The following VRK3 variants were observed in gnomAD, a reference collection of about 807,000 sequenced individuals.
VRK3 encodes the protein serine/threonine-protein kinase VRK3.
VRK3 carries 50 observed loss-of-function variants against 60.4 expected under a neutral mutation model. The observed-to-expected ratio is 0.83, with a 90% CI of 0.66 to 1.05. The LOEUF (loss-of-function observed/expected upper bound fraction) is 1.05, where lower values mean the gene tolerates loss of function less well. Ranked by LOEUF, VRK3 falls within the 50% of genes least tolerant of loss-of-function variation. The pLI, the probability that VRK3 is intolerant of heterozygous loss-of-function variation, is 0.00. For missense variants in VRK3, 549 were observed against 585.3 expected (o/e 0.94, Z 0.64); for synonymous variants, 246 against 227.8 (o/e 1.08, Z -0.72).
intron 10 of VRK3, among the ~76,000 whole-genome samples, chr19:49,990,518 C>T (rs1287599017): frequency 6.6e-6 from 1 of 151,972 alleles, no homozygotes; most frequent in Non-Finnish European, 1.5e-5. Flanking sequence ...GTAGCTGGGA[C>T]TACAGGCATG....
chr19:49,983,543 A>G (rs1178900574), intron 12 of VRK3, among the ~76,000 whole-genome samples: 1 of 152,238 alleles, frequency 6.6e-6, no homozygotes, highest in Admixed American at 6.5e-5. Flanking sequence ...ACCACCTGCC[A>G]TGGGCTCTCC....
chr19:50,022,286 C>A (rs1176954195), intron 1 of VRK3, among the ~76,000 whole-genome samples: 1 of 152,122 alleles, frequency 6.6e-6, no homozygotes, highest in East Asian at 1.9e-4. Flanking sequence ...GGAACCACGG[C>A]AAGAGAGTCT....
chr19:49,982,785 CACAT>C (rs745373146), intron 12 of VRK3, among the ~76,000 whole-genome samples: 2 of 152,158 alleles, frequency 1.3e-5, no homozygotes, highest in African/African-American at 4.8e-5. Flanking sequence ...ATAACACAAA[CACAT>C]GCATGCACGT....
chr19:49,988,495 G>A lies in VRK3; in HGVS notation c.1097-3C>T, dbSNP rs2076555561. On this transcript the variant is annotated splice_region_variant and splice_polypyrimidine_tract_variant and intron_variant, in intron 11 of 14. Coordinates refer to ENST00000316763, the MANE Select transcript of VRK3 (RefSeq NM_016440.4). ...GAGGTCGCTGCGGCGGGAGGGCCCT[G>A]GGGAAGGAGGAGTAAAGGTGGCAGC... is the stretch of plus-strand genomic sequence containing the variant. The A allele has an allele frequency of 6.2e-7, 1 of 1,611,986 alleles. No individual in the cohort carries two copies. Among genetic ancestry groups the A allele is most frequent in the Non-Finnish European group, 8.5e-7 (1 of 1,179,084 alleles).
At chr19:49,988,564 C>T (rs1248132395) in intron 11 of VRK3, 72 bp from the exon 12 acceptor site, 4 of 1,555,270 alleles carry the variant, frequency 2.6e-6, no homozygotes, top group African/African-American at 2.7e-5. Flanking sequence ...ACCCCCCTTC[C>T]TTCCCCTCTC....
At chr19:49,995,577 C>T (rs759830231) in intron 7 of VRK3, among the ~76,000 whole-genome samples, 4 of 152,042 alleles carry the variant, frequency 2.6e-5, no homozygotes, top group African/African-American at 4.8e-5. Context: ...CGAATTCACA[C>T]ATAGAGCTAA....
chr19:49,997,584 G>A lies in VRK3; in HGVS notation c.613-14C>T. On this transcript the variant is annotated splice_polypyrimidine_tract_variant and intron_variant, in intron 6 of 14. Coordinates refer to ENST00000316763, the MANE Select transcript of VRK3 (RefSeq NM_016440.4). ...ATCCTTGGCATCCTGGTGGGGGACA[G>A]GAGGGGCAGAAGGCTGTCACACTGA... is the stretch of plus-strand genomic sequence containing the variant. The A allele has an allele frequency of 6.2e-7, 1 of 1,613,788 alleles. No homozygotes were observed. The highest frequency in any genetic ancestry group is 8.5e-7 in the Non-Finnish European group (1 of 1,179,830).
intron 5 of VRK3, chr19:50,001,277 A>C: frequency 5.8e-6 from 1 of 171,068 alleles, no homozygotes; most frequent in Non-Finnish European, 1.3e-5. Flanking sequence ...CTCCCCAATA[A>C]CAGCCCCGAG....
chr19:50,007,663 A>T lies in VRK3; in HGVS notation c.453T>A (p.Ala151=). ...CTGTCAGCACTGTCCCTGTGGGCAA[A>T]GCTTCAAGTGAGGTGGTCACTCGGC... ...KRSRVTTSLE[A]LPTGTVLTDK... The change falls in exon 5 of 15, where the codon GCT becomes GCA. Residue 151 remains alanine, a synonymous_variant. Coordinates refer to ENST00000316763, the MANE Select transcript of VRK3 (RefSeq NM_016440.4). 4 of 1,614,064 alleles carry T rather than the reference A, an allele frequency of 2.5e-6. No homozygotes were observed. The highest frequency in any genetic ancestry group is 3.4e-6 in the Non-Finnish European group (4 of 1,180,000).
In VRK3 at chr19:49,989,750, A is replaced by C; in HGVS notation, c.985T>G (p.Phe329Val). 6.2e-7 allele frequency: 1 copy of C among 1,612,716 alleles called. No individual in the cohort carries two copies. The highest frequency in any genetic ancestry group is 8.5e-7 in the Non-Finnish European group (1 of 1,179,042). Reference sequence around the variant, plus strand: ...CCACTTGGGCAATAGCGGAAGGCGAAGCCATAGCCTGCCAAAGTCACCTGT... The same window carrying C: ...CCACTTGGGCAATAGCGGAAGGCGACGCCATAGCCTGCCAAAGTCACCTGT... ...QSQVTLAGYG[F>V]AFRYCPSGKH... Residue 329 changes from phenylalanine (F) to valine (V), a missense_variant, in exon 11 of 15, where the codon TTC (phenylalanine) becomes GTC (valine). By Grantham distance (50) the Phe-to-Val change is conservative. Coordinates refer to ENST00000316763, the MANE Select transcript of VRK3 (RefSeq NM_016440.4).
At chr19:50,019,513 C>T (rs1460405633) in intron 2 of VRK3, among the ~76,000 whole-genome samples, 2 of 151,520 alleles carry the variant, frequency 1.3e-5, no homozygotes, top group African/African-American at 4.8e-5. Context: ...CTGTACACTT[C>T]TTTTTTATTT....
chr19:49,982,939 C>T (rs986130085), intron 12 of VRK3, among the ~76,000 whole-genome samples: 8 of 152,162 alleles, frequency 5.3e-5, no homozygotes, highest in Non-Finnish European at 1.2e-4. Flanking sequence ...ACCCTGCCTT[C>T]GCCATCCCCC....
chr19:50,014,432 G>A (rs902543146), intron 3 of VRK3, among the ~76,000 whole-genome samples: 27 of 152,068 alleles, frequency 1.8e-4, no homozygotes, highest in African/African-American at 6.0e-4. Flanking sequence ...GGTGGCAGGC[G>A]CCTGTAATCC....
intron 5 of VRK3, among the ~76,000 whole-genome samples, chr19:50,003,049 T>C (rs897465366): frequency 1.3e-5 from 2 of 152,142 alleles, no homozygotes; most frequent in African/African-American, 4.8e-5. Context: ...GTGAGGGCAG[T>C]AGCATTACCA....
chr19:49,987,268 T>C (rs1273510116), intron 12 of VRK3, among the ~76,000 whole-genome samples: 1 of 152,134 alleles, frequency 6.6e-6, no homozygotes, highest in East Asian at 1.9e-4. Context: ...CCCACAGCGC[T>C]TCCCTTTTGT....
At chr19:50,009,212 G>A (rs1318559861) in intron 4 of VRK3, 24 bp downstream of exon 4, 6 of 1,610,324 alleles carry the variant, frequency 3.7e-6, no homozygotes, top group Non-Finnish European at 5.1e-6. Flanking sequence ...TTAAGAGTCA[G>A]GCCAGATAGA....
intron 1 of VRK3, among the ~76,000 whole-genome samples, chr19:50,023,747 G>GA (rs1330750648): frequency 2.0e-5 from 3 of 151,454 alleles, no homozygotes; most frequent in Admixed American, 6.6e-5. Flanking sequence ...GGTGGGGGGG[G>GA]TCCCCAGCTG....
At position 49,994,848 on chromosome 19, in the gene VRK3, G is replaced by C. The variant is rs769438305; in HGVS notation, c.836C>G (p.Ser279Ter). 10 of 1,614,028 alleles carry C rather than the reference G, an allele frequency of 6.2e-6. No homozygotes were observed. Among genetic ancestry groups the C allele is most frequent in the African/African-American group, 1.3e-5 (1 of 74,932 alleles). ...ALDVSPKHVL[S>*]ERSVLQVACR... The stretch of plus-strand genomic sequence containing the variant: ...GGCCACCTGCAGCACAGACCTCTCT[G>C]ACAGCACATGCTTTGGGCTGACATC... Residue 279 changes from serine (S) to a stop codon, truncating the protein, a stop_gained, in exon 9 of 15, where the codon TCA (serine) becomes TGA (stop). Coordinates refer to ENST00000316763, the MANE Select transcript of VRK3 (RefSeq NM_016440.4). LOFTEE classifies it high-confidence loss of function.
chr19:49,985,774 T>C (rs1434924896), intron 12 of VRK3, among the ~76,000 whole-genome samples: 2 of 152,194 alleles, frequency 1.3e-5, no homozygotes, highest in East Asian at 3.9e-4. Context: ...GGGTTCAGTA[T>C]TTGTTGAGTG....
Sources: allele counts gnomAD v4.1 joint callset (sites outside exome capture counted in the v4.1 genomes callset), GRCh38; gene constraint gnomAD v4.1.1; transcripts MANE v1.5; gene names NCBI Gene and HGNC (gene_info 2026-07-23, HGNC 2026-07-21).